The following B4GALNT2 variants were observed in gnomAD, a reference collection of about 807,000 sequenced individuals.
B4GALNT2 encodes beta-1,4-N-acetyl-galactosaminyltransferase 2 (SID blood group).
Under a neutral mutation model 51.1 loss-of-function variants are expected in B4GALNT2, and 42 were observed. The ratio of observed to expected loss-of-function variants is 0.82; its 90% CI spans 0.64 to 1.06. The LOEUF is 1.06. Among genes scored for constraint, B4GALNT2 ranks in the 50% least tolerant of loss-of-function variants. The pLI is 0.00. For synonymous variants in B4GALNT2, 253 were observed against 251.7 expected (o/e 1.01, Z -0.05); for missense variants, 602 against 633.6 (o/e 0.95, Z 0.54).
intron 1 of B4GALNT2, 192 bp downstream of exon 1, chr17:49,132,998 G>A: frequency 2.8e-6 from 4 of 1,452,306 alleles, no homozygotes; most frequent in Non-Finnish European, 3.6e-6. Context: ...GTGACGGCGC[G>A]TGCGGAACGA....
intron 8 of B4GALNT2, among the ~76,000 whole-genome samples, chr17:49,165,330 C>T (rs1173195681): frequency 1.4e-5 from 2 of 143,992 alleles, no homozygotes; most frequent in Non-Finnish European, 1.5e-5. Flanking sequence ...CTCCTTCTCC[C>T]TCTCTTCTTC....
At chr17:49,129,419 C>T (rs563757645), upstream of B4GALNT2, among the ~76,000 whole-genome samples, 1 of 152,286 alleles carries the variant, frequency 6.6e-6, no homozygotes, top group African/African-American at 2.4e-5. Context: ...GGATGGGTGG[C>T]CAGAGACTCT....
chr17:49,164,382 G>A, intron 8 of B4GALNT2, 107 bp downstream of exon 8: 1 of 1,049,280 alleles, frequency 9.5e-7, no homozygotes, highest in Non-Finnish European at 1.4e-6. Flanking sequence ...TCCCAAGAAA[G>A]CAGAGTCCAG....
Position 49,137,404 on chromosome 17 carries a change from C to T in B4GALNT2, c.15-3843C>T, listed in dbSNP as rs553263209. On this transcript the variant is annotated intron_variant, in intron 1 of 10. Transcript: ENST00000393354. ...TCCTCATAAAAGGACAAATTCAGCC[C>T]CCTCTTGCTGTGTCTCTCACATGCA... is the stretch of plus-strand genomic sequence containing the variant. Among the ~76,000 whole-genome samples the T allele has an allele frequency of 1.1e-4, 16 of 152,212 alleles. 1 individual carries two copies. In the South Asian group the frequency reaches 3.3e-3, roughly 32 times the overall value.
At chr17:49,156,804 A>G (rs1164292819) in intron 5 of B4GALNT2, among the ~76,000 whole-genome samples, 1 of 152,112 alleles carries the variant, frequency 6.6e-6, no homozygotes, top group Non-Finnish European at 1.5e-5. Context: ...GACTTCCCAG[A>G]CCACACTGAA....
In B4GALNT2 at chr17:49,173,630, G is replaced by A. The variant is rs1268068964; in HGVS notation, c.*3902G>A. The A allele has an allele frequency of 6.6e-6, 1 of 152,200 alleles. No individual in the cohort carries two copies. Among genetic ancestry groups the A allele is most frequent in the Non-Finnish European group, 1.5e-5 (1 of 68,042 alleles). The allele number at this position is 152,200 out of a possible 1,614,324, so 9.4% of individuals were successfully genotyped here. A position where few individuals can be genotyped will look rare whatever the true frequency, so the allele number is the denominator to read the frequency against. ...GCTTGCTCTATTTGTGCCTTCATGA[G>A]AAGGACAATAATTTTTCCAGGACCA... is the stretch of plus-strand genomic sequence containing the variant. On this transcript the variant is annotated 3_prime_UTR_variant, in exon 11 of 11. Coordinates refer to ENST00000393354, the MANE Select transcript of B4GALNT2 (RefSeq NM_001159387.2).
intron 3 of B4GALNT2, chr17:49,148,469 T>C (rs1598204479): frequency 3.4e-6 from 1 of 293,708 alleles, no homozygotes; most frequent in Admixed American, 4.3e-5. Context: ...GTCTTGCAGG[T>C]GGCTCACCCT....
intron 9 of B4GALNT2, among the ~76,000 whole-genome samples, chr17:49,166,777 G>A (rs894509759): frequency 6.6e-6 from 1 of 151,938 alleles, no homozygotes; most frequent in African/African-American, 2.4e-5. Context: ...GACCAGCCTG[G>A]GCAACATGGC....
Position 49,136,094 on chromosome 17 carries a change from A to AAAAAG in B4GALNT2, c.14+3291_14+3292insAGAAA, listed in dbSNP as rs1389523576. On this transcript the variant is annotated intron_variant, in intron 1 of 10. Coordinates refer to ENST00000393354, the MANE Select transcript of B4GALNT2 (RefSeq NM_001159387.2). The stretch of plus-strand genomic sequence containing the variant: ...CGAGACTCTGGATCAAAAAAAAAAA[A>AAAAAG]AAAGAAAATCCTGTTTTGCTTTTAT... Among the ~76,000 whole-genome samples, 242 of 151,418 alleles carry AAAAAG rather than the reference A, an allele frequency of 1.6e-3. 2 individuals carry two copies. The highest frequency in any genetic ancestry group is 5.2e-3 in the African/African-American group (216 of 41,282).
chr17:49,150,193 G>T (rs1485293215), intron 3 of B4GALNT2, among the ~76,000 whole-genome samples: 8 of 137,784 alleles, frequency 5.8e-5, no homozygotes, highest in Non-Finnish European at 9.5e-5. Flanking sequence ...GTCCGGGAGG[G>T]AGGTGGGGGG....
chr17:49,141,222 A>G (rs758008790), intron 1 of B4GALNT2, 25 bp from the exon 2 acceptor site: 1 of 1,597,958 alleles, frequency 6.3e-7, no homozygotes, highest in Admixed American at 1.7e-5. Context: ...ATTTTAACAT[A>G]ATCTGTTCTT....
At chr17:49,154,021 TTG>T in intron 4 of B4GALNT2, among the ~76,000 whole-genome samples, 1 of 145,062 alleles carries the variant, frequency 6.9e-6, no homozygotes, top group African/African-American at 2.7e-5. Context: ...TTTTTTTTTT[TTG>T]GGGACGGAGT....
intron 1 of B4GALNT2, among the ~76,000 whole-genome samples, chr17:49,138,803 G>A (rs1267412154): frequency 6.6e-6 from 1 of 152,208 alleles, no homozygotes. Context: ...TTTGAACCCA[G>A]GAGGTGGAGG....
intron 1 of B4GALNT2, among the ~76,000 whole-genome samples, chr17:49,137,064 CT>C (rs35988405): frequency 4.4e-4 from 66 of 149,422 alleles, no homozygotes; most frequent in South Asian, 1.3e-3. Context: ...CAGAAACCCA[CT>C]TTTTTTTTTC....
chr17:49,122,628 C>T, the B4GALNT2 span, among the ~76,000 whole-genome samples: 1 of 152,168 alleles, frequency 6.6e-6, no homozygotes, highest in African/African-American at 2.4e-5. Context: ...ACCTTTTCAG[C>T]CCTTTCTTTA....
chr17:49,170,554 G>A lies in B4GALNT2; in HGVS notation c.*826G>A, dbSNP rs1209519325. The stretch of plus-strand genomic sequence containing the variant: ...AAACTCCAGGGACCTGAGGCCAGTT[G>A]CTGGTCACTCAAAACTCATGTCATT... On this transcript the variant is annotated 3_prime_UTR_variant, in exon 11 of 11. Transcript: ENST00000393354. 1 of 149,616 alleles carries A rather than the reference G, an allele frequency of 6.7e-6. No homozygotes were observed. Among genetic ancestry groups the A allele is most frequent in the African/African-American group, 2.5e-5 (1 of 40,496 alleles). 9.3% of individuals were successfully genotyped at this position (149,616 alleles called of 1,614,324 possible).
At chr17:49,166,974 A>G (rs955684959) in intron 9 of B4GALNT2, among the ~76,000 whole-genome samples, 2 of 152,330 alleles carry the variant, frequency 1.3e-5, no homozygotes, top group South Asian at 4.1e-4. Context: ...TCTCAAAAAA[A>G]GAAAATAATA....
intron 9 of B4GALNT2, 84 bp downstream of exon 9, chr17:49,166,338 G>A (rs902223939): frequency 3.0e-5 from 7 of 234,170 alleles, no homozygotes; most frequent in Non-Finnish European, 5.5e-5. Context: ...AAATATATAA[G>A]AGAAGAGGAG....
In B4GALNT2 at chr17:49,174,843, G is replaced by A. The variant is rs928115590; in HGVS notation, c.*5115G>A. On this transcript the variant is annotated 3_prime_UTR_variant, in exon 11 of 11. Transcript: ENST00000393354. ...GGAACTTTGTCTTTCCGCTTGAAGT[G>A]GTTCCTTCAAATCTTGCAAATTTTT... 3 of 152,072 alleles carry A rather than the reference G, an allele frequency of 2.0e-5. No individual in the cohort carries two copies. The highest frequency in any genetic ancestry group is 4.4e-5 in the Non-Finnish European group (3 of 68,018). The allele number at this position is 152,072 out of a possible 1,614,324, so 9.4% of individuals were successfully genotyped here. A position where few individuals can be genotyped will look rare whatever the true frequency, so the allele number is the denominator to read the frequency against.
Sources: gnomAD v4.1 joint callset for allele counts (sites outside exome capture counted in the v4.1 genomes callset) on GRCh38, gnomAD v4.1.1 for gene constraint, MANE v1.5 for transcripts, NCBI Gene and HGNC (gene_info 2026-07-23, HGNC 2026-07-21) for gene names.